The following NRCAM variants were observed in gnomAD, a reference collection of about 807,000 sequenced individuals.
NRCAM encodes NgCAM-related cell adhesion molecule.
A neutral mutation model predicts 156.5 loss-of-function variants in NRCAM; 83 were observed. That is an observed-to-expected ratio of 0.53 (90% CI 0.44 to 0.64). The LOEUF is 0.64. NRCAM is among the 30% of genes least tolerant of loss of function. NRCAM has a pLI of 0.00. For synonymous variants in NRCAM, 538 were observed against 563.9 expected (o/e 0.95, Z 0.65); for missense variants, 1,417 against 1,597.3 (o/e 0.89, Z 1.92).
chr7:108,369,537 T>C (rs1340173262), intron 2 of NRCAM, among the ~76,000 whole-genome samples: 3 of 152,150 alleles, frequency 2.0e-5, no homozygotes, highest in African/African-American at 7.2e-5. Flanking sequence ...TCTTCAAATA[T>C]ATATTGTTCC....
chr7:108,299,110 A>AAAAAAAAAAAAAAAAGAAAAAAAG (rs1563163335), intron 3 of NRCAM, among the ~76,000 whole-genome samples: 1 of 16,650 alleles, frequency 6.0e-5, no homozygotes, highest in African/African-American at 1.2e-4. Flanking sequence ...CATCTCAAAA[A>AAAAAAAAAAAAAAAAGAAAAAAAG]AAAAAAAGAA....
rs145828112 is a variant in NRCAM at position 108,159,534 on chromosome 7, T to C, written c.3606A>G (p.Glu1202=). 2.2e-5 allele frequency: 36 copies of C among 1,613,204 alleles called. No homozygotes were observed. In the African/African-American group the frequency reaches 3.9e-4, roughly 17 times the overall value. The part of the protein sequence containing the change: ...RNKGGKYPVK[E]KEDAHADPEI... Reference sequence around the variant, plus strand: ...CAGGGTCAGCATGGGCATCTTCCTTTTCTTTAACTAAAAAATGCCAAAATG... The same window carrying C: ...CAGGGTCAGCATGGGCATCTTCCTTCTCTTTAACTAAAAAATGCCAAAATG... The change falls in exon 32 of 33, where the codon GAA becomes GAG. Residue 1202 remains glutamate, a synonymous_variant. Transcript: ENST00000379028.
At chr7:108,207,337 GCATAAA>G (rs1365656623) in intron 13 of NRCAM, 185 bp downstream of exon 13, 7 of 499,432 alleles carry the variant, frequency 1.4e-5, no homozygotes, top group Admixed American at 1.1e-4. Flanking sequence ...TATGTTAACA[GCATAAA>G]CTATTCACAT....
At chr7:108,397,054 C>T (rs182527101) in intron 2 of NRCAM, among the ~76,000 whole-genome samples, 11 of 152,160 alleles carry the variant, frequency 7.2e-5, no homozygotes, top group African/African-American at 1.7e-4. Context: ...TAATTCAATT[C>T]CCTATTTTAA....
In NRCAM at chr7:108,316,947, T is replaced by A. The variant is rs531245955; in HGVS notation, c.-173-4216A>T. Among the ~76,000 whole-genome samples, 11 of 152,312 alleles carry A rather than the reference T, an allele frequency of 7.2e-5. No individual in the cohort carries two copies. In the South Asian group the frequency reaches 2.3e-3, roughly 32 times the overall value. ...TTCCAGTTCTCCTTGTGTCTAGGTGTGACTGCAAGGTGTAAGAGAGCTAAT... is the reference window on the plus strand; with the variant it reads ...TTCCAGTTCTCCTTGTGTCTAGGTGAGACTGCAAGGTGTAAGAGAGCTAAT... On this transcript the variant is annotated intron_variant, in intron 2 of 32. Transcript: ENST00000379028.
intron 30 of NRCAM, among the ~76,000 whole-genome samples, chr7:108,162,258 T>G (rs954725856): frequency 1.3e-5 from 2 of 152,198 alleles, no homozygotes; most frequent in African/African-American, 4.8e-5. Flanking sequence ...TGCAAAAATC[T>G]TAAGTTAAAG....
chr7:108,268,734 T>C (rs1289843025), intron 3 of NRCAM, among the ~76,000 whole-genome samples: 4 of 151,990 alleles, frequency 2.6e-5, no homozygotes, highest in Non-Finnish European at 5.9e-5. Flanking sequence ...TCTACAGTGT[T>C]AGTGTAAATT....
intron 3 of NRCAM, among the ~76,000 whole-genome samples, chr7:108,286,253 C>T (rs974946360): frequency 6.6e-6 from 1 of 152,058 alleles, no homozygotes; most frequent in Non-Finnish European, 1.5e-5. Flanking sequence ...CAGGTGTGGC[C>T]AGCAGCAGTA....
chr7:108,334,296 T>A (rs954879476), intron 2 of NRCAM, among the ~76,000 whole-genome samples: 1 of 152,240 alleles, frequency 6.6e-6, no homozygotes, highest in Non-Finnish European at 1.5e-5. Flanking sequence ...AACAGTTCAA[T>A]AGATGTAAGA....
intron 13 of NRCAM, among the ~76,000 whole-genome samples, chr7:108,203,687 C>T (rs1374849443): frequency 2.0e-5 from 3 of 152,126 alleles, no homozygotes; most frequent in African/African-American, 7.2e-5. Flanking sequence ...AGTATGGTCC[C>T]CTGACTGTAT....
At chr7:108,335,944 C>T (rs2099184290) in intron 2 of NRCAM, among the ~76,000 whole-genome samples, 1 of 152,140 alleles carries the variant, frequency 6.6e-6, no homozygotes, top group South Asian at 2.1e-4. Context: ...TTTTCAATTA[C>T]CTATCTTTAA....
chr7:108,186,996 GT>G (rs2067243924), intron 20 of NRCAM, among the ~76,000 whole-genome samples: 1 of 152,034 alleles, frequency 6.6e-6, no homozygotes, highest in East Asian at 1.9e-4. Flanking sequence ...ATGTCACTGT[GT>G]TTTTTTAATA....
At chr7:108,272,572 G>T (rs1325208701) in intron 3 of NRCAM, among the ~76,000 whole-genome samples, 2 of 151,346 alleles carry the variant, frequency 1.3e-5, no homozygotes, top group Non-Finnish European at 2.9e-5. Flanking sequence ...CCCCACTGGG[G>T]GTGTTATAAA....
At chr7:108,245,564 T>C (rs550591035) in intron 3 of NRCAM, among the ~76,000 whole-genome samples, 68 of 152,292 alleles carry the variant, frequency 4.5e-4, no homozygotes, top group African/African-American at 1.6e-3. Flanking sequence ...CATGGTACAA[T>C]ATTCATAAAG....
chr7:108,432,921 G>C (rs748998375), intron 1 of NRCAM, among the ~76,000 whole-genome samples: 24 of 93,842 alleles, frequency 2.6e-4, no homozygotes, highest in Non-Finnish European at 5.2e-4. Flanking sequence ...GAAAGAGAAA[G>C]AGAAAGAGGA....
At chr7:108,323,678 T>C (rs1252910525) in intron 2 of NRCAM, among the ~76,000 whole-genome samples, 1 of 152,190 alleles carries the variant, frequency 6.6e-6, no homozygotes, top group Non-Finnish European at 1.5e-5. Context: ...GGCAGAAATC[T>C]CTGCACTCAA....
chr7:108,314,147 G>A (rs551193802), intron 2 of NRCAM, among the ~76,000 whole-genome samples: 1 of 152,106 alleles, frequency 6.6e-6, no homozygotes, highest in African/African-American at 2.4e-5. Context: ...TTATTGATAG[G>A]GCACTGCTAC....
intron 2 of NRCAM, among the ~76,000 whole-genome samples, chr7:108,316,252 T>C (rs549183158): frequency 6.6e-6 from 1 of 152,296 alleles, no homozygotes; most frequent in East Asian, 1.9e-4. Flanking sequence ...TCATGTACAC[T>C]CTATCTTGCC....
In NRCAM at chr7:108,149,875, C is replaced by T; in HGVS notation, c.*35G>A. 6.5e-7 allele frequency: 1 copy of T among 1,548,288 alleles called. No individual in the cohort carries two copies. Among genetic ancestry groups the T allele is most frequent in the African/African-American group, 1.4e-5 (1 of 72,944 alleles). On this transcript the variant is annotated 3_prime_UTR_variant, in exon 33 of 33. Transcript: ENST00000379028. ...CAAACAAGTGCTTAGGATAAACATT[C>T]TAGAGAAATGGAATATTGGCAAAGA...
Sources: allele counts gnomAD v4.1 joint callset (sites outside exome capture counted in the v4.1 genomes callset), GRCh38; gene constraint gnomAD v4.1.1; transcripts MANE v1.5; gene names NCBI Gene and HGNC (gene_info 2026-07-23, HGNC 2026-07-21).